Variants in FLG2 observed in about 807,000 individuals in gnomAD.
FLG2 encodes the protein filaggrin-2.
FLG2 carries 7 observed loss-of-function variants against 3.9 expected under a neutral mutation model. That is an observed-to-expected ratio of 1.79 (90% confidence interval 1.02 to 3.36). The LOEUF is 3.36. FLG2 is among the 30% of genes most tolerant of loss of function. The pLI is 0.00. For missense variants in FLG2, 2,700 were observed against 2,809.4 expected, an observed-to-expected ratio of 0.96 and a Z score of 0.88; for synonymous variants, 1,031 against 1,056.1, an observed-to-expected ratio of 0.98 and a Z score of 0.46.
At position 152,354,191 on chromosome 1, in the gene FLG2, A is replaced by T. The variant is rs765277801; in HGVS notation, c.3595T>A (p.Ser1199Thr). ...FSSSGQHISD[S>T]GQSTGFGQYG... ...TGGCCAAATCCAGTGGACTGACCTG[A>T]GTCAGATATATGTTGTCCAGAACTA... Residue 1199 changes from serine to threonine, a missense_variant, in exon 3 of 3, where the codon TCA becomes ACA. Transcript: ENST00000388718. 4 of 1,614,124 alleles carry T rather than the reference A, an allele frequency of 2.5e-6. No individual in the cohort carries two copies. The African/African-American group carries it at 5.3e-5, about 22-fold the overall frequency.
At position 152,358,740 on chromosome 1, in the gene FLG2, C is replaced by T. The variant is rs758373711; in HGVS notation, c.138+7G>A. On this transcript the variant is annotated splice_region_variant and intron_variant, in intron 2 of 2. Transcript: ENST00000388718. Reference sequence around the variant, plus strand: ...AGCAGCCTTCAGTTCTGGCACATGGCTCTCACCTTCAGAACTGGATGAAGC... The same window carrying T: ...AGCAGCCTTCAGTTCTGGCACATGGTTCTCACCTTCAGAACTGGATGAAGC... The T allele has an allele frequency of 1.9e-6, 3 of 1,611,652 alleles. No homozygotes were observed. Among genetic ancestry groups the T allele is most frequent in the South Asian group, 2.2e-5 (2 of 90,438 alleles).
In FLG2 at chr1:152,357,589, T is replaced by G; in HGVS notation, c.197A>C (p.Asp66Ala). 6.2e-7 allele frequency: 1 copy of G among 1,614,136 alleles called. No individual in the cohort carries two copies. ...AAACTCAGTAAAGTCCAATCTTCTG[T>G]CATGATCTCGATCCAGCATATGCAT... is the stretch of plus-strand genomic sequence containing the variant. ...VIMHMLDRDH[D>A]RRLDFTEFLL... is the part of the protein sequence containing the mutation. The change falls in exon 3 of 3, where the codon GAC (aspartate) becomes GCC (alanine). Residue 66 changes from aspartate to alanine, a missense_variant. By Grantham distance (126) the Asp-to-Ala change is moderately radical (BLOSUM62 -2). Transcript: ENST00000388718.
At position 152,353,009 on chromosome 1, in the gene FLG2, G is replaced by A. The variant is rs950538621; in HGVS notation, c.4777C>T (p.His1593Tyr). ...TGGCCGTAAGTGTGTTCTCGTGAGT[G>A]TGGTCTGTGTGAGCCCCCTGAGTGC... is the stretch of plus-strand genomic sequence containing the variant. ...EVHSGGSHRP[H>Y]SREHTYGQAG... Residue 1593 changes from histidine to tyrosine, a missense_variant, in exon 3 of 3, where the codon CAC (histidine) becomes TAC (tyrosine). By Grantham distance (83) the His-to-Tyr change is moderately conservative. Coordinates refer to ENST00000388718, the MANE Select transcript of FLG2 (RefSeq NM_001014342.3). The A allele has an allele frequency of 3.1e-6, 5 of 1,608,376 alleles. No homozygotes were observed. The African/African-American group carries it at 4.1e-5, about 13-fold the overall frequency.
rs1654183169 is a variant in FLG2, at chr1:152,355,573, C to G, written c.2213G>C (p.Gly738Ala). 12 of 1,613,722 alleles carry G rather than the reference C, an allele frequency of 7.4e-6. No homozygotes were observed. The highest frequency in any genetic ancestry group is 9.3e-6 in the Non-Finnish European group (11 of 1,179,986). The change falls in exon 3 of 3, where the codon GGC becomes GCC. Residue 738 changes from glycine to alanine, a missense_variant. Transcript: ENST00000388718. ...QSSSFGQHGS[G>A]SGQSSGFGQH... ...TCCAAAGCCAGAGGACTGACCTGAG[C>G]CTGATCCATGTTGGCCAAAGCTGGA...
rs1048048662 is a variant in FLG2, at chr1:152,355,746, A to G, written c.2040T>C (p.Gly680=). 4.6e-5 allele frequency: 73 copies of G among 1,602,206 alleles called. No individual in the cohort carries two copies. The highest frequency in any genetic ancestry group is 3.5e-4 in the African/African-American group (25 of 70,768). The stretch of plus-strand genomic sequence containing the variant: ...CTGATCTAGACTCATGTTGTCCAAA[A>G]CCAGAGGATTGTCCTGAGCCAGAAA... ...QHVSGSGQSS[G]FGQHESRSGH... The change falls in exon 3 of 3, where the codon GGT becomes GGC. Residue 680 remains glycine, a synonymous_variant. Transcript: ENST00000388718.
Position 152,350,940 on chromosome 1 carries a change from T to C in FLG2, c.6846A>G (p.Gln2282=), listed in dbSNP as rs1653885122. The change falls in exon 3 of 3, where the codon CAA becomes CAG. Residue 2282 remains glutamine, a synonymous_variant. Coordinates refer to ENST00000388718, the MANE Select transcript of FLG2 (RefSeq NM_001014342.3). ...GAACTGTGGATCCTGGCTGTCTTTG[T>C]TGAGATCCAGCTTGGCCCTGAATGT... is the stretch of plus-strand genomic sequence containing the variant. ...SGHIQGQAGS[Q]QRQPGSTVHG... is the part of the protein sequence containing the mutation. 2 of 1,613,832 alleles carry C rather than the reference T, an allele frequency of 1.2e-6. No homozygotes were observed. The highest frequency in any genetic ancestry group is 1.7e-5 in the Admixed American group (1 of 59,982).
Position 152,351,598 on chromosome 1 carries a change from G to A in FLG2, c.6188C>T (p.Ser2063Phe). The A allele has an allele frequency of 1.2e-6, 2 of 1,610,750 alleles. No homozygotes were observed. Among genetic ancestry groups the A allele is most frequent in the Non-Finnish European group, 1.7e-6 (2 of 1,179,398 alleles). The change falls in exon 3 of 3, where the codon TCC (serine) becomes TTC (phenylalanine). Residue 2063 changes from serine (S) to phenylalanine (F), a missense_variant. By Grantham distance (155) the Ser-to-Phe change is radical. Coordinates refer to ENST00000388718, the MANE Select transcript of FLG2 (RefSeq NM_001014342.3). Reference protein sequence around the residue: ...QAGSQHGESGSSVHERHGTTH... With the variant: ...QAGSQHGESGFSVHERHGTTH... ...AGTTCCGTGTCTCTCATGAACTGAG[G>A]ATCCTGACTCTCCATGTTGAGATCC...
In FLG2 at chr1:152,356,987, A is replaced by G; in HGVS notation, c.799T>C (p.Cys267Arg). ...CTCCCACTGTCTCCTGAACCTGAAC[A>G]GCTAGACCCAAGCTTTTGTTCTCTA... ...RIREQKLGSS[C>R]SGSGDSGRRS... is the part of the protein sequence containing the mutation. Residue 267 changes from cysteine (C) to arginine (R), a missense_variant, in exon 3 of 3, where the codon TGT becomes CGT. Cys to Arg is a radical substitution (Grantham distance 180, BLOSUM62 -3). Coordinates refer to ENST00000388718, the MANE Select transcript of FLG2 (RefSeq NM_001014342.3). The G allele has an allele frequency of 6.2e-7, 1 of 1,614,226 alleles. No homozygotes were observed. The highest frequency in any genetic ancestry group is 1.3e-5 in the African/African-American group (1 of 75,062).
In FLG2 at chr1:152,355,425, C is replaced by T. The variant is rs1293137119; in HGVS notation, c.2361G>A (p.Gly787=). ...SSQSSGYGQH[G]SRQTSGFGQH... ...GTCCAAAGCCAGATGTCTGTCTAGA[C>T]CCATGTTGGCCATAGCCAGATGACT... is the stretch of plus-strand genomic sequence containing the variant. Residue 787 remains glycine (G), a synonymous_variant, in exon 3 of 3, where the codon GGG becomes GGA. Transcript: ENST00000388718. 1 of 1,610,746 alleles carries T rather than the reference C, an allele frequency of 6.2e-7. No individual in the cohort carries two copies. Among genetic ancestry groups the T allele is most frequent in the Non-Finnish European group, 8.5e-7 (1 of 1,179,332 alleles).
In FLG2 at chr1:152,350,510, A is replaced by T; in HGVS notation, c.*100T>A. ...CGAGACTGATACTGAGAATCAACTG[A>T]ATGTTCATAACTTACCATTGACTGT... On this transcript the variant is annotated 3_prime_UTR_variant, in exon 3 of 3. Transcript: ENST00000388718. 1 of 1,411,966 alleles carries T rather than the reference A, an allele frequency of 7.1e-7. No individual in the cohort carries two copies. The highest frequency in any genetic ancestry group is 1.4e-5 in the South Asian group (1 of 70,298). The allele number at this position is 1,411,966 out of a possible 1,614,324, so 87.5% of individuals were successfully genotyped here.
chr1:152,355,622 G>A lies in FLG2; in HGVS notation c.2164C>T (p.His722Tyr), dbSNP rs781252600. 1 of 1,613,206 alleles carries A rather than the reference G, an allele frequency of 6.2e-7. No homozygotes were observed. The highest frequency in any genetic ancestry group is 1.1e-5 in the South Asian group (1 of 91,006). Residue 722 changes from histidine to tyrosine, a missense_variant, in exon 3 of 3, where the codon CAC becomes TAC. Physicochemically the swap from His to Tyr is moderately conservative, Grantham distance 83. Transcript: ENST00000388718. ...SSGQTSGFGQ[H>Y]ELSSGQSSSF... ...GAAGACTGACCTGAGCTTAACTCGTGTTGTCCAAATCCAGATGTCTGTCCT... is the reference window on the plus strand; with the variant it reads ...GAAGACTGACCTGAGCTTAACTCGTATTGTCCAAATCCAGATGTCTGTCCT...
chr1:152,354,058 G>T lies in FLG2; in HGVS notation c.3728C>A (p.Thr1243Lys), dbSNP rs751814744. The change falls in exon 3 of 3, where the codon ACA (threonine) becomes AAA (lysine). Residue 1243 changes from threonine to lysine, a missense_variant. Coordinates refer to ENST00000388718, the MANE Select transcript of FLG2 (RefSeq NM_001014342.3). Reference protein sequence around the residue: ...HGRQETTHGQTINTTRHSQSG... With the variant: ...HGRQETTHGQKINTTRHSQSG... Reference sequence around the variant, plus strand: ...CTGGCTATGTCTAGTGGTATTTATTGTCTGACCATGAGTAGTTTCCTGTCT... The same window carrying T: ...CTGGCTATGTCTAGTGGTATTTATTTTCTGACCATGAGTAGTTTCCTGTCT... The T allele has an allele frequency of 1.1e-5, 17 of 1,613,998 alleles. No individual in the cohort carries two copies. In the African/African-American group the frequency reaches 1.5e-4, roughly 14 times the overall value.
At chr1:152,359,836 GAAAC>G (rs1175529600) in intron 1 of FLG2, 116 bp downstream of exon 1, 1 of 151,972 alleles carries the variant, frequency 6.6e-6, no homozygotes, top group African/African-American at 2.4e-5. Context: ...ATGAAAGAAA[GAAAC>G]AAAAAAGAAA....
Position 152,355,947 on chromosome 1 carries a change from T to C in FLG2, c.1839A>G (p.Ser613=). Residue 613 remains serine, a synonymous_variant, in exon 3 of 3, where the codon TCA becomes TCG. Transcript: ENST00000388718. ...SSGFGQHESR[S]GQSSYGQHSS... is the part of the protein sequence containing the mutation. ...TGTGTTGGCCATAACTAGACTGACCTGATCTAGACTCATGTTGTCCAAAGC... is the reference window on the plus strand; with the variant it reads ...TGTGTTGGCCATAACTAGACTGACCCGATCTAGACTCATGTTGTCCAAAGC... 3.7e-6 allele frequency: 6 copies of C among 1,608,624 alleles called. No individual in the cohort carries two copies. Among genetic ancestry groups the C allele is most frequent in the Non-Finnish European group, 5.1e-6 (6 of 1,177,522 alleles).
In FLG2 at chr1:152,352,020, A is replaced by G. The variant is rs747227789; in HGVS notation, c.5766T>C (p.Thr1922=). ...CAGTGGTATCTCCTGTCTGTCCATG[A>G]GTAGTTTGGTGTCTCTTGTGAACTG... is the stretch of plus-strand genomic sequence containing the variant. ...ESTVHKRHQT[T]HGQTGDTTEH... is the part of the protein sequence containing the mutation. The change falls in exon 3 of 3, where the codon ACT becomes ACC. Residue 1922 remains threonine, a synonymous_variant. Transcript: ENST00000388718. 1 of 1,612,062 alleles carries G rather than the reference A, an allele frequency of 6.2e-7. No individual in the cohort carries two copies.
chr1:152,355,053 T>C lies in FLG2; in HGVS notation c.2733A>G (p.Gly911=), dbSNP rs141900818. The C allele has an allele frequency of 2.6e-6, 4 of 1,548,026 alleles. 2 individuals carry two copies. Among genetic ancestry groups the C allele is most frequent in the Non-Finnish European group, 3.5e-6 (4 of 1,149,044 alleles). Residue 911 remains glycine, a synonymous_variant, in exon 3 of 3, where the codon GGA becomes GGG. Transcript: ENST00000388718. ...ACTGATGTGATCTAGACTCATGTTG[T>C]CCAAAACCAGAGTATTGTCCTGAGC... is the stretch of plus-strand genomic sequence containing the variant. ...GTGSGQYSGF[G]QHESRSHQSS... is the part of the protein sequence containing the mutation.
intron 2 of FLG2, among the ~76,000 whole-genome samples, chr1:152,358,000 A>G (rs1400373988): frequency 6.6e-6 from 1 of 151,300 alleles, no homozygotes; most frequent in Non-Finnish European, 1.5e-5. Context: ...TTTATCATCT[A>G]TTATTTTGAA....
chr1:152,350,908 C>T lies in FLG2; in HGVS notation c.6878G>A (p.Arg2293Lys). Residue 2293 changes from arginine to lysine, a missense_variant, in exon 3 of 3, where the codon AGA becomes AAA. Coordinates refer to ENST00000388718, the MANE Select transcript of FLG2 (RefSeq NM_001014342.3). ...QRQPGSTVHG[R>K]LETTHGQTGD... ...TGTCTGTCCATGAGTAGTTTCCAGT[C>T]TCCCATGAACTGTGGATCCTGGCTG... 6.2e-7 allele frequency: 1 copy of T among 1,613,738 alleles called. No homozygotes were observed. Among genetic ancestry groups the T allele is most frequent in the Non-Finnish European group, 8.5e-7 (1 of 1,179,928 alleles).
At position 152,358,756 on chromosome 1, in the gene FLG2, T is replaced by G; in HGVS notation, c.129A>C (p.Pro43=). 6.2e-7 allele frequency: 1 copy of G among 1,613,332 alleles called. No homozygotes were observed. Among genetic ancestry groups the G allele is most frequent in the Non-Finnish European group, 8.5e-7 (1 of 1,179,664 alleles). ...GGCACATGGCTCTCACCTTCAGAACTGGATGAAGCTCTTTCTCCAGAAGTT... is the reference window on the plus strand; with the variant it reads ...GGCACATGGCTCTCACCTTCAGAACGGGATGAAGCTCTTTCTCCAGAAGTT... ...LKELLEKELH[P]VLKNPDDPDT... is the part of the protein sequence containing the mutation. The change falls in exon 2 of 3, where the codon CCA becomes CCC. Residue 43 remains proline, a synonymous_variant. Coordinates refer to ENST00000388718, the MANE Select transcript of FLG2 (RefSeq NM_001014342.3).
Sources: allele counts gnomAD v4.1 joint callset (sites outside exome capture counted in the v4.1 genomes callset), GRCh38; gene constraint gnomAD v4.1.1; transcripts MANE v1.5; gene names NCBI Gene and HGNC (gene_info 2026-07-23, HGNC 2026-07-21).